MCPH1: variants seen among roughly 807,000 people sequenced by gnomAD.
The protein encoded by MCPH1 is microcephalin 1.
MCPH1 carries 104 observed loss-of-function variants against 84.5 expected under a neutral mutation model. The observed-to-expected ratio is 1.23, with a 90% CI of 1.05 to 1.45. The LOEUF (loss-of-function observed/expected upper bound fraction) is 1.45. Among genes scored for constraint, MCPH1 ranks in the 40% most tolerant of loss-of-function variants. The pLI, the probability that MCPH1 is intolerant of heterozygous loss-of-function variation, is 0.00. For missense variants in MCPH1, 1,498 were observed against 1,005.7 expected (o/e 1.49, Z -6.62); for synonymous variants, 514 against 366.8 (o/e 1.40, Z -4.58).
At chr8:6,600,377 G>A (rs1165036802) in intron 12 of MCPH1, among the ~76,000 whole-genome samples, 1 of 152,228 alleles carries the variant, frequency 6.6e-6, no homozygotes, top group African/African-American at 2.4e-5. Flanking sequence ...GCGCACAGGT[G>A]GAGGTGTAAC....
intron 12 of MCPH1, among the ~76,000 whole-genome samples, chr8:6,576,707 T>A (rs1018764376): frequency 4.7e-5 from 5 of 105,652 alleles, no homozygotes; most frequent in African/African-American, 2.0e-4. Context: ...TTTTTTTTTT[T>A]TTTTTTTTTT....
chr8:6,608,056 C>T (rs960806183), intron 12 of MCPH1, among the ~76,000 whole-genome samples: 1 of 152,184 alleles, frequency 6.6e-6, no homozygotes, highest in East Asian at 1.9e-4. Context: ...GAGGGGAGTG[C>T]TCACCTCCAG....
intron 9 of MCPH1, among the ~76,000 whole-genome samples, chr8:6,461,755 A>G (rs1205643953): frequency 2.6e-5 from 4 of 152,242 alleles, no homozygotes; most frequent in African/African-American, 9.6e-5. Context: ...AGGGAGAAAT[A>G]GAAAATATTA....
At chr8:6,628,590 G>A (rs143247841) in intron 13 of MCPH1, among the ~76,000 whole-genome samples, 1 of 151,920 alleles carries the variant, frequency 6.6e-6, no homozygotes, top group Non-Finnish European at 1.5e-5. Context: ...CATTTTATGT[G>A]TATTAGAAAT....
At chr8:6,585,513 C>T (rs1210591151) in intron 12 of MCPH1, among the ~76,000 whole-genome samples, 2 of 152,250 alleles carry the variant, frequency 1.3e-5, no homozygotes, top group South Asian at 4.1e-4. Flanking sequence ...TGCAGTTGGG[C>T]TGCTCTGGCA....
chr8:6,568,788 C>T (rs1053554125), intron 12 of MCPH1, among the ~76,000 whole-genome samples: 14 of 152,250 alleles, frequency 9.2e-5, no homozygotes, highest in Non-Finnish European at 5.9e-5. Flanking sequence ...ACGGCCTGCC[C>T]GGCTACAGTC....
intron 13 of MCPH1, among the ~76,000 whole-genome samples, chr8:6,630,794 C>A (rs61101996): frequency 0.12 from 15,135 of 128,158 alleles, 1,404 homozygotes; most frequent in East Asian, 0.27. Context: ...AAAAAAAAAA[C>A]AAAAAAAAAA....
At chr8:6,501,492 C>G (rs190903334) in intron 12 of MCPH1, 2 of 151,502 alleles carry the variant, frequency 1.3e-5, no homozygotes, top group East Asian at 3.9e-4. Context: ...GTTAAAACTC[C>G]AGGAGTTTAT....
chr8:6,460,653 T>C (rs181771073), intron 9 of MCPH1, among the ~76,000 whole-genome samples: 23 of 152,326 alleles, frequency 1.5e-4, no homozygotes, highest in African/African-American at 5.5e-4. Context: ...TTCTTATCTG[T>C]TGTTTTCAAT....
intron 1 of MCPH1, chr8:6,406,946 C>A: frequency 1.8e-6 from 1 of 546,168 alleles, no homozygotes; most frequent in Non-Finnish European, 3.3e-6. Context: ...TCCCTGTCCC[C>A]CCAAACCCCC....
chr8:6,418,018 T>G (rs192229137), intron 3 of MCPH1, among the ~76,000 whole-genome samples: 1 of 152,348 alleles, frequency 6.6e-6, no homozygotes, highest in East Asian at 1.9e-4. Flanking sequence ...GATGCGCCCT[T>G]TAAGCCTCAG....
At chr8:6,443,859 C>T (rs1214101325) in intron 7 of MCPH1, among the ~76,000 whole-genome samples, 1 of 152,210 alleles carries the variant, frequency 6.6e-6, no homozygotes, top group African/African-American at 2.4e-5. Flanking sequence ...CTTAGCATTA[C>T]TCTCAGGAAA....
rs903272337 is a variant in MCPH1, at chr8:6,441,032, G to A, written c.581-1035G>A. 2.0e-5 allele frequency among the ~76,000 whole-genome samples: 3 copies of A among 152,186 alleles called. No individual in the cohort carries two copies. In the South Asian group the frequency reaches 6.2e-4, roughly 31 times the overall value. Reference sequence around the variant, plus strand: ...CCAGCTAAGCCATCTCCTTTTGACAGCCTTACCAGACGTCTATCCAATATT... The same window carrying A: ...CCAGCTAAGCCATCTCCTTTTGACAACCTTACCAGACGTCTATCCAATATT... On this transcript the variant is annotated intron_variant, in intron 6 of 13. Transcript: ENST00000344683.
At chr8:6,501,785 G>A (rs1266620235) in intron 12 of MCPH1, 1 of 152,010 alleles carries the variant, frequency 6.6e-6, no homozygotes, top group East Asian at 1.9e-4. Context: ...TTGAACTCCT[G>A]ACCTCAGGTG....
chr8:6,522,919 TTC>T (rs1236278629), intron 12 of MCPH1, among the ~76,000 whole-genome samples: 3 of 152,216 alleles, frequency 2.0e-5, no homozygotes, highest in Admixed American at 6.5e-5. Context: ...GCCCCATTCC[TTC>T]TCTAAAAAAT....
intron 12 of MCPH1, among the ~76,000 whole-genome samples, chr8:6,539,567 G>A (rs1031289485): frequency 6.6e-6 from 1 of 152,006 alleles, no homozygotes; most frequent in Admixed American, 6.6e-5. Flanking sequence ...TAGCCTTTTT[G>A]CTTTTTTCTA....
chr8:6,482,887 C>T (rs908691214), intron 11 of MCPH1, among the ~76,000 whole-genome samples: 2 of 152,128 alleles, frequency 1.3e-5, no homozygotes, highest in Non-Finnish European at 2.9e-5. Context: ...GAACCTGGGG[C>T]ACTCAGACAC....
At chr8:6,605,646 G>A (rs900486971) in intron 12 of MCPH1, among the ~76,000 whole-genome samples, 1 of 152,200 alleles carries the variant, frequency 6.6e-6, no homozygotes, top group African/African-American at 2.4e-5. Context: ...CCAGAAGGAT[G>A]CCAAGAGATC....
chr8:6,470,268 T>C (rs1338554608), intron 9 of MCPH1, among the ~76,000 whole-genome samples: 9 of 152,142 alleles, frequency 5.9e-5, no homozygotes, highest in Admixed American at 5.9e-4. Flanking sequence ...GAGATCCTCA[T>C]ACTTTGGGGT....
Sources: allele counts gnomAD v4.1 joint callset (sites outside exome capture counted in the v4.1 genomes callset), GRCh38; gene constraint gnomAD v4.1.1; transcripts MANE v1.5; gene names NCBI Gene and HGNC (gene_info 2026-07-23, HGNC 2026-07-21).